STK17B: variants seen among roughly 807,000 people sequenced by gnomAD.
STK17B encodes the protein serine/threonine kinase 17b, also known as serine/threonine-protein kinase 17B.
A neutral mutation model predicts 42.0 loss-of-function variants in STK17B; 21 were observed. The ratio of observed to expected loss-of-function variants is 0.50; its 90% CI spans 0.35 to 0.72. The LOEUF (loss-of-function observed/expected upper bound fraction) is 0.72, where lower values mean the gene tolerates loss of function less well. STK17B is among the 30% of genes least tolerant of loss of function. The pLI is 0.00. For missense variants in STK17B, 349 were observed against 446.0 expected (o/e 0.78, Z 1.96); for synonymous variants, 143 against 148.4 (o/e 0.96, Z 0.26).
At chr2:196,152,819 T>G (rs960454176) in intron 3 of STK17B, among the ~76,000 whole-genome samples, 1 of 152,202 alleles carries the variant, frequency 6.6e-6, no homozygotes, top group African/African-American at 2.4e-5. Context: ...CCAGAATGAA[T>G]AAATGTGGTT....
intron 2 of STK17B, among the ~76,000 whole-genome samples, chr2:196,159,010 C>CAAAAAA (rs5837492): frequency 7.8e-6 from 1 of 127,592 alleles, no homozygotes; most frequent in African/African-American, 3.1e-5. Flanking sequence ...GACTGTGTCT[C>CAAAAAA]AAAAAAAAAA....
chr2:196,158,112 T>C (rs1482573357), intron 2 of STK17B, among the ~76,000 whole-genome samples: 5 of 152,230 alleles, frequency 3.3e-5, no homozygotes, highest in African/African-American at 1.2e-4. Flanking sequence ...AAGCAATGTT[T>C]GTTCCATAAC....
intron 2 of STK17B, among the ~76,000 whole-genome samples, chr2:196,162,671 G>C (rs941047948): frequency 7.2e-5 from 11 of 152,158 alleles, no homozygotes; most frequent in African/African-American, 2.7e-4. Flanking sequence ...GCCACGGCCA[G>C]AGGATTGCTT....
At chr2:196,147,545 A>G (rs1699593875) in intron 3 of STK17B, among the ~76,000 whole-genome samples, 1 of 152,150 alleles carries the variant, frequency 6.6e-6, no homozygotes, top group South Asian at 2.1e-4. Flanking sequence ...ATAATTTGCA[A>G]TTGAGCAATC....
At chr2:196,171,839 G>T (rs1014981273), upstream of STK17B, among the ~76,000 whole-genome samples, 1 of 151,292 alleles carries the variant, frequency 6.6e-6, no homozygotes, top group Non-Finnish European at 1.5e-5. Flanking sequence ...GGGCGGAGGG[G>T]GCGGCGCTGC....
rs1699366069 is a variant in STK17B, at chr2:196,134,361, G to C, written c.*3086C>G. 1 of 152,150 alleles carries C rather than the reference G, an allele frequency of 6.6e-6. No homozygotes were observed. The highest frequency in any genetic ancestry group is 2.4e-5 in the African/African-American group (1 of 41,418). 9.4% of individuals were successfully genotyped at this position (152,150 alleles called of 1,614,324 possible). A position where few individuals can be genotyped will look rare whatever the true frequency, so the allele number is the denominator to read the frequency against. On this transcript the variant is annotated 3_prime_UTR_variant, in exon 8 of 8. Transcript: ENST00000263955. ...ACTGCCTGAGCTCAGTTTCCTGTTAGATCAGCCATGGCATTAGATTCTCAA... is the reference window on the plus strand; with the variant it reads ...ACTGCCTGAGCTCAGTTTCCTGTTACATCAGCCATGGCATTAGATTCTCAA...
At position 196,137,589 on chromosome 2, in the gene STK17B, G is replaced by A; in HGVS notation, c.977C>T (p.Ser326Phe). The A allele has an allele frequency of 6.2e-7, 1 of 1,614,126 alleles. No individual in the cohort carries two copies. Among genetic ancestry groups the A allele is most frequent in the Non-Finnish European group, 8.5e-7 (1 of 1,179,994 alleles). ...ACAGGTTCCATTACAGGAGGATTTA[G>A]AAGTCTTGTCTTCAGAGGACCTTAC... ...HSVRSSEDKT[S>F]KSSCNGTCGD... The change falls in exon 8 of 8, where the codon TCT becomes TTT. Residue 326 changes from serine (S) to phenylalanine (F), a missense_variant. By Grantham distance (155) the Ser-to-Phe change is radical. This residue lies in a region of STK17B where 87 missense variants were observed against 78.8 expected (regional missense o/e 1.10). Transcript: ENST00000263955.
At chr2:196,137,809 T>C (rs1699430167) in intron 7 of STK17B, 80 bp from the exon 8 acceptor site, 1 of 1,451,772 alleles carries the variant, frequency 6.9e-7, no homozygotes, top group African/African-American at 1.4e-5. Flanking sequence ...ATTATAGACA[T>C]ATTTTTTACT....
chr2:196,154,545 A>G (rs1243497735), intron 3 of STK17B: 1 of 152,242 alleles, frequency 6.6e-6, no homozygotes, highest in African/African-American at 2.4e-5. Context: ...AGTAAAAGTG[A>G]AGAGTATAAG....
rs1164392004 is a variant in STK17B, at chr2:196,139,733, T to C, written c.723A>G (p.Gln241=). 4.8e-6 allele frequency: 7 copies of C among 1,462,690 alleles called. No homozygotes were observed. Among genetic ancestry groups the C allele is most frequent in the Admixed American group, 5.0e-5 (2 of 39,860 alleles). 90.6% of individuals were successfully genotyped at this position (1,462,690 alleles called of 1,614,324 possible). A position where few individuals can be genotyped will look rare whatever the true frequency, so the allele number is the denominator to read the frequency against. The change falls in exon 7 of 8, where the codon CAA becomes CAG. Residue 241 remains glutamine, a synonymous_variant. Coordinates refer to ENST00000263955, the MANE Select transcript of STK17B (RefSeq NM_004226.4). ...HTSPFVGEDN[Q]ETYLNISQVN... is the part of the protein sequence containing the mutation. ...CTTGAGAAATATTGAGGTATGTTTC[T>C]TGATTATCTTCTCCCACAAATGGTG...
At position 196,156,654 on chromosome 2, in the gene STK17B, G is replaced by A. The variant is rs1559413858; in HGVS notation, c.123-3C>T. Reference sequence around the variant, plus strand: ...GTCTAACCACAGCAAATTTTCCTCTGGGGGAAGATGAGAACAATCAATTTT... The same window carrying A: ...GTCTAACCACAGCAAATTTTCCTCTAGGGGAAGATGAGAACAATCAATTTT... On this transcript the variant is annotated splice_region_variant and splice_polypyrimidine_tract_variant and intron_variant, in intron 2 of 7. Transcript: ENST00000263955. 1 of 1,605,206 alleles carries A rather than the reference G, an allele frequency of 6.2e-7. No individual in the cohort carries two copies. Among genetic ancestry groups the A allele is most frequent in the Admixed American group, 1.7e-5 (1 of 58,898 alleles).
intron 3 of STK17B, among the ~76,000 whole-genome samples, chr2:196,155,093 C>T (rs777196570): frequency 3.3e-5 from 5 of 152,174 alleles, no homozygotes; most frequent in Non-Finnish European, 4.4e-5. Flanking sequence ...AGTCAATGTT[C>T]TTATGTATAT....
At chr2:196,145,429 G>A (rs1210682293) in intron 4 of STK17B, among the ~76,000 whole-genome samples, 1 of 152,124 alleles carries the variant, frequency 6.6e-6, no homozygotes, top group Non-Finnish European at 1.5e-5. Flanking sequence ...AGAGACTGGA[G>A]GTTCGGGGCT....
At chr2:196,150,947 T>C (rs533577823) in intron 3 of STK17B, among the ~76,000 whole-genome samples, 1 of 152,288 alleles carries the variant, frequency 6.6e-6, no homozygotes, top group South Asian at 2.1e-4. Context: ...CCTGCCAGAG[T>C]GTAAATGTTC....
At chr2:196,166,122 G>C (rs1228477950) in intron 1 of STK17B, 2 of 152,126 alleles carry the variant, frequency 1.3e-5, no homozygotes, top group Admixed American at 1.3e-4. Flanking sequence ...CATCCATTAA[G>C]CATTTCTTAA....
At chr2:196,142,737 C>A (rs776052613) in intron 5 of STK17B, among the ~76,000 whole-genome samples, 9 of 152,144 alleles carry the variant, frequency 5.9e-5, no homozygotes, top group African/African-American at 9.7e-5. Flanking sequence ...GGACTATAGC[C>A]CCAGTTAGCA....
Position 196,139,801 on chromosome 2 carries a change from T to G in STK17B, c.657-2A>C. On this transcript the variant is annotated splice_acceptor_variant, in intron 6 of 7. Coordinates refer to ENST00000263955, the MANE Select transcript of STK17B (RefSeq NM_004226.4). LOFTEE classifies it high-confidence loss of function. ...ATATATGCTATTATACCAATATTCCTGAAAAACAAGGGAGGGGAACTTAAA... is the reference window on the plus strand; with the variant it reads ...ATATATGCTATTATACCAATATTCCGGAAAAACAAGGGAGGGGAACTTAAA... 1 of 1,357,740 alleles carries G rather than the reference T, an allele frequency of 7.4e-7. No individual in the cohort carries two copies. The highest frequency in any genetic ancestry group is 9.6e-7 in the Non-Finnish European group (1 of 1,044,402). 84.1% of individuals were successfully genotyped at this position (1,357,740 alleles called of 1,614,324 possible).
At chr2:196,142,679 A>G (rs1414472734) in intron 5 of STK17B, among the ~76,000 whole-genome samples, 1 of 152,196 alleles carries the variant, frequency 6.6e-6, no homozygotes, top group African/African-American at 2.4e-5. Flanking sequence ...CTACATTTTC[A>G]CATACTTCTG....
chr2:196,151,378 G>C (rs140976703), intron 3 of STK17B: 1,738 of 152,278 alleles, frequency 0.011, 23 homozygotes, highest in Non-Finnish European at 0.016. Context: ...CGAGTAGCTG[G>C]GACTACAGGC....
Sources: gnomAD v4.1 joint callset for allele counts (sites outside exome capture counted in the v4.1 genomes callset) on GRCh38, gnomAD v4.1.1 for gene constraint, gnomAD v4.1.1 regional missense constraint, MANE v1.5 for transcripts, NCBI Gene and HGNC (gene_info 2026-07-23, HGNC 2026-07-21) for gene names.